The following WDR75 variants were observed in gnomAD, a reference collection of about 807,000 sequenced individuals.
WDR75 encodes WD repeat domain 75.
Under a neutral mutation model 106.1 loss-of-function variants are expected in WDR75, and 52 were observed. That is an observed-to-expected ratio of 0.49 (90% confidence interval 0.39 to 0.62). The LOEUF (loss-of-function observed/expected upper bound fraction) is 0.62, where lower values mean the gene tolerates loss of function less well. Among genes scored for constraint, WDR75 ranks in the 20% least tolerant of loss-of-function variants. WDR75 has a pLI of 0.00. For missense variants in WDR75, 905 were observed against 970.3 expected, an observed-to-expected ratio of 0.93 and a Z score of 0.89; for synonymous variants, 333 against 335.5, an observed-to-expected ratio of 0.99 and a Z score of 0.08.
intron 18 of WDR75, among the ~76,000 whole-genome samples, chr2:189,471,880 C>G (rs776587746): frequency 6.6e-6 from 1 of 152,154 alleles, no homozygotes; most frequent in Admixed American, 6.5e-5. Flanking sequence ...TTTTTATTCT[C>G]TTTCACTTGA....
chr2:189,456,421 A>G (rs1035234687), intron 5 of WDR75, among the ~76,000 whole-genome samples: 7 of 152,152 alleles, frequency 4.6e-5, no homozygotes, highest in East Asian at 3.9e-4. Flanking sequence ...TATGCATACA[A>G]TGGAGTGCCG....
In WDR75 at chr2:189,453,845, ACT is replaced by A. The variant is rs201269141; in HGVS notation, c.374-1470_374-1469del. Among the ~76,000 whole-genome samples the A allele has an allele frequency of 4.1e-4, 63 of 152,124 alleles. No individual in the cohort carries two copies. In the East Asian group the frequency reaches 0.012, roughly 29 times the overall value. ...TCTATGTTCCACAGCCCAAAACCAG[ACT>A]CTCTGATAGAAAATTGAATAAATCA... On this transcript the variant is annotated intron_variant, in intron 4 of 20. Transcript: ENST00000314761.
At chr2:189,442,779 A>G (rs998546111) in intron 1 of WDR75, among the ~76,000 whole-genome samples, 1 of 152,048 alleles carries the variant, frequency 6.6e-6, no homozygotes, top group African/African-American at 2.4e-5. Context: ...TGAGTGTACG[A>G]CAGGTAGTTG....
intron 18 of WDR75, among the ~76,000 whole-genome samples, chr2:189,472,995 A>G (rs943738782): frequency 2.0e-5 from 3 of 152,188 alleles, no homozygotes; most frequent in African/African-American, 7.2e-5. Flanking sequence ...AGGCAGGTAG[A>G]TCACTTGAGG....
intron 2 of WDR75, chr2:189,450,585 G>C: frequency 9.0e-7 from 1 of 1,115,296 alleles, no homozygotes; most frequent in Non-Finnish European, 1.1e-6. Flanking sequence ...CCAAAGTGCT[G>C]AGATTACAGG....
rs778488445 is a variant in WDR75 at position 189,455,389 on chromosome 2, C to G, written c.443C>G (p.Ser148Cys). ...CAGGAAGTAGAAGCCAAGGAGCTGTCCTTTGTTTTGGATTACATAAACCAG... is the reference window on the plus strand; with the variant it reads ...CAGGAAGTAGAAGCCAAGGAGCTGTGCTTTGTTTTGGATTACATAAACCAG... ...SSQEVEAKEL[S>C]FVLDYINQSP... Residue 148 changes from serine (S) to cysteine (C), a missense_variant, in exon 5 of 21, where the codon TCC becomes TGC. Transcript: ENST00000314761. 1 of 1,614,094 alleles carries G rather than the reference C, an allele frequency of 6.2e-7. No homozygotes were observed. Among genetic ancestry groups the G allele is most frequent in the Non-Finnish European group, 8.5e-7 (1 of 1,179,988 alleles).
At chr2:189,450,846 G>C in intron 2 of WDR75, 57 bp from the exon 3 acceptor site, 1 of 1,594,530 alleles carries the variant, frequency 6.3e-7, no homozygotes, top group Non-Finnish European at 8.5e-7. Flanking sequence ...TTATTCATTT[G>C]ATATCTTGAT....
intron 13 of WDR75, among the ~76,000 whole-genome samples, chr2:189,467,027 C>T (rs1362572755): frequency 1.3e-5 from 2 of 151,964 alleles, no homozygotes; most frequent in Non-Finnish European, 2.9e-5. Flanking sequence ...GTTTCTTAAT[C>T]CCTACTGCTT....
chr2:189,451,331 A>G (rs377545905), intron 3 of WDR75, among the ~76,000 whole-genome samples: 3 of 152,372 alleles, frequency 2.0e-5, no homozygotes, highest in African/African-American at 7.2e-5. Flanking sequence ...TCATTAATAA[A>G]GAAATCTAAA....
intron 8 of WDR75, among the ~76,000 whole-genome samples, chr2:189,461,852 A>C (rs1198894495): frequency 6.6e-6 from 1 of 152,200 alleles, no homozygotes; most frequent in African/African-American, 2.4e-5. Context: ...GGTGTTTGCT[A>C]TAGATGTTAT....
In WDR75 at chr2:189,463,879, C is replaced by T; in HGVS notation, c.1031C>T (p.Pro344Leu). Residue 344 changes from proline (P) to leucine (L), a missense_variant, in exon 11 of 21, where the codon CCA becomes CTA. Transcript: ENST00000314761. Reference sequence around the variant, plus strand: ...ATCTTCACTGGTTTGATGATTGATCCAAGAACTAAAGCTTTGGTTTTGAAT... The same window carrying T: ...ATCTTCACTGGTTTGATGATTGATCTAAGAACTAAAGCTTTGGTTTTGAAT... ...RSIFTGLMID[P>L]RTKALVLNGK... 6.2e-7 allele frequency: 1 copy of T among 1,613,868 alleles called. No individual in the cohort carries two copies. Among genetic ancestry groups the T allele is most frequent in the Non-Finnish European group, 8.5e-7 (1 of 1,179,838 alleles).
chr2:189,456,840 C>A (rs575163371), intron 5 of WDR75, among the ~76,000 whole-genome samples: 14 of 152,084 alleles, frequency 9.2e-5, no homozygotes, highest in Non-Finnish European at 1.6e-4. Context: ...GTCATTGTTT[C>A]AATAGTATGA....
intron 1 of WDR75, among the ~76,000 whole-genome samples, chr2:189,444,468 C>G (rs768724701): frequency 2.0e-4 from 31 of 152,244 alleles, no homozygotes; most frequent in South Asian, 1.0e-3. Context: ...TGCGGCATCC[C>G]ACAGTTATAT....
chr2:189,475,528 T>A lies in WDR75; in HGVS notation c.*111T>A. The A allele has an allele frequency of 1.4e-6, 1 of 718,346 alleles. No homozygotes were observed. Among genetic ancestry groups the A allele is most frequent in the Non-Finnish European group, 2.1e-6 (1 of 467,018 alleles). 44.5% of individuals were successfully genotyped at this position (718,346 alleles called of 1,614,324 possible). On this transcript the variant is annotated 3_prime_UTR_variant, in exon 21 of 21. Coordinates refer to ENST00000314761, the MANE Select transcript of WDR75 (RefSeq NM_032168.3). ...GTTCTAAAAATAAGATAATAAATAT[T>A]AACAAACTTTGCTTTTTTAAAAAAC...
intron 5 of WDR75, 64 bp downstream of exon 5, chr2:189,455,508 T>C: frequency 6.4e-7 from 1 of 1,550,856 alleles, no homozygotes; most frequent in Non-Finnish European, 8.7e-7. Flanking sequence ...ATCTCTCTTC[T>C]GAGCATTTTA....
At chr2:189,453,249 C>T (rs537880214) in intron 4 of WDR75, among the ~76,000 whole-genome samples, 14 of 152,266 alleles carry the variant, frequency 9.2e-5, no homozygotes, top group African/African-American at 2.2e-4. Flanking sequence ...CACATGTTTA[C>T]GAAAAATTCA....
rs185871202 is a variant in WDR75, at chr2:189,450,062, A to G, written c.217-841A>G. 3.9e-4 allele frequency: 381 copies of G among 978,796 alleles called. No individual in the cohort carries two copies. In the African/African-American group the frequency reaches 6.2e-3, roughly 16 times the overall value. The allele number at this position is 978,796 out of a possible 1,614,324, so 60.6% of individuals were successfully genotyped here. On this transcript the variant is annotated intron_variant, in intron 2 of 20. Coordinates refer to ENST00000314761, the MANE Select transcript of WDR75 (RefSeq NM_032168.3). ...GCTACCAAAGTATGGTCCACAGACC[A>G]GTGTCCTAAACCATTAGTTACCATT...
intron 13 of WDR75, among the ~76,000 whole-genome samples, 189 bp from the exon 14 acceptor site, chr2:189,467,277 CTG>C (rs1465825802): frequency 1.1e-4 from 16 of 152,242 alleles, no homozygotes; most frequent in African/African-American, 3.9e-4. Context: ...TGTGCATGCT[CTG>C]TGTCTGCCTT....
intron 2 of WDR75, chr2:189,450,335 G>A (rs899922483): frequency 2.0e-6 from 2 of 978,326 alleles, no homozygotes; most frequent in Non-Finnish European, 2.4e-6. Flanking sequence ...AAGCTCTTGT[G>A]TGGGTGTTTT....
Sources: gnomAD v4.1 joint callset for allele counts (sites outside exome capture counted in the v4.1 genomes callset) on GRCh38, gnomAD v4.1.1 for gene constraint, MANE v1.5 for transcripts, NCBI Gene and HGNC (gene_info 2026-07-23, HGNC 2026-07-21) for gene names.